SHISA6: variants seen among roughly 807,000 people sequenced by gnomAD.
SHISA6 encodes the protein protein shisa-6.
A neutral mutation model predicts 47.9 loss-of-function variants in SHISA6; 22 were observed. The ratio of observed to expected loss-of-function variants is 0.46; its 90% CI spans 0.33 to 0.66. SHISA6 has a LOEUF of 0.66. Among genes scored for constraint, SHISA6 ranks in the 30% least tolerant of loss-of-function variants. The probability of loss-of-function intolerance (pLI) is 0.02; values close to 1 mark genes in which losing one functional copy is unlikely to be tolerated. For synonymous variants in SHISA6, 388 were observed against 337.8 expected (o/e 1.15, Z -1.63); for missense variants, 680 against 764.6 (o/e 0.89, Z 1.30).
At chr17:11,546,919 A>G (rs2071888217) in intron 3 of SHISA6, among the ~76,000 whole-genome samples, 1 of 150,738 alleles carries the variant, frequency 6.6e-6, no homozygotes. Context: ...ATAGAGCAAG[A>G]CTCCATCTCA....
At chr17:11,283,437 T>C (rs1597438969) in intron 2 of SHISA6, among the ~76,000 whole-genome samples, 1 of 152,210 alleles carries the variant, frequency 6.6e-6, no homozygotes, top group Non-Finnish European at 1.5e-5. Flanking sequence ...TCTTTCTATT[T>C]CTCCATCCTG....
Position 11,497,549 on chromosome 17 carries a change from G to C in SHISA6, c.896-54347G>C. On this transcript the variant is annotated intron_variant, in intron 3 of 5. Transcript: ENST00000441885. ...CTCGACACTTTAGACGAATGTTCTTGAACACAGCAATGAGAAATGCCACTT... is the reference window on the plus strand; with the variant it reads ...CTCGACACTTTAGACGAATGTTCTTCAACACAGCAATGAGAAATGCCACTT... Among the ~76,000 whole-genome samples, 2 of 152,132 alleles carry C rather than the reference G, an allele frequency of 1.3e-5. 1 individual carries two copies. Among genetic ancestry groups the C allele is most frequent in the African/African-American group, 4.8e-5 (2 of 41,416 alleles).
At chr17:11,521,252 TTAAA>T (rs1324947439) in intron 3 of SHISA6, among the ~76,000 whole-genome samples, 1 of 152,230 alleles carries the variant, frequency 6.6e-6, no homozygotes, top group Non-Finnish European at 1.5e-5. Context: ...AAGACAATAA[TTAAA>T]TATATATTTT....
At chr17:11,343,659 A>G (rs2142214857) in intron 2 of SHISA6, among the ~76,000 whole-genome samples, 1 of 152,334 alleles carries the variant, frequency 6.6e-6, no homozygotes, top group Non-Finnish European at 1.5e-5. Flanking sequence ...ATGTGATGGA[A>G]TGGCGGAGCA....
At chr17:11,444,676 C>T (rs1017592636) in intron 3 of SHISA6, among the ~76,000 whole-genome samples, 25 of 152,328 alleles carry the variant, frequency 1.6e-4, no homozygotes, top group African/African-American at 5.3e-4. Flanking sequence ...AGCTCCTTCT[C>T]AAATAGGCCA....
chr17:11,304,233 G>T (rs1480180953), intron 2 of SHISA6, among the ~76,000 whole-genome samples: 2 of 152,224 alleles, frequency 1.3e-5, no homozygotes, highest in East Asian at 3.9e-4. Context: ...TCAGTGCCTG[G>T]AGTTGGACGA....
chr17:11,496,312 A>G (rs568770786), intron 3 of SHISA6, among the ~76,000 whole-genome samples: 5 of 152,292 alleles, frequency 3.3e-5, no homozygotes, highest in African/African-American at 1.2e-4. Flanking sequence ...TGAGACTTCA[A>G]AGCAAACTCT....
At chr17:11,524,130 T>C (rs1467549143) in intron 3 of SHISA6, among the ~76,000 whole-genome samples, 1 of 152,016 alleles carries the variant, frequency 6.6e-6, no homozygotes, top group East Asian at 1.9e-4. Context: ...ACACATACTT[T>C]TCAGCTTGAA....
intron 3 of SHISA6, among the ~76,000 whole-genome samples, chr17:11,525,655 A>AC (rs2071671564): frequency 8.4e-5 from 3 of 35,694 alleles, no homozygotes; most frequent in Non-Finnish European, 1.7e-4. Context: ...AAAAAAACAA[A>AC]AAAAAAAAAA....
rs192197592 is a variant in SHISA6 at position 11,455,019 on chromosome 17, A to C, written c.895+75510A>C. 1.6e-3 allele frequency among the ~76,000 whole-genome samples: 236 copies of C among 152,050 alleles called. 6 individuals are homozygous for C. The South Asian group carries it at 0.036, about 23-fold the overall frequency. ...CCTGTCTCTACTAAAAATACAAAAAAATAGCTGGGCGTGGTGGTGAGCACC... is the reference window on the plus strand; with the variant it reads ...CCTGTCTCTACTAAAAATACAAAAACATAGCTGGGCGTGGTGGTGAGCACC... On this transcript the variant is annotated intron_variant, in intron 3 of 5. Coordinates refer to ENST00000441885, the MANE Select transcript of SHISA6 (RefSeq NM_207386.4).
chr17:11,250,293 C>T (rs546967201), intron 1 of SHISA6, among the ~76,000 whole-genome samples: 46 of 152,254 alleles, frequency 3.0e-4, no homozygotes, highest in African/African-American at 1.1e-3. Flanking sequence ...CCAGGGCTGT[C>T]GCCTCTGTAC....
intron 3 of SHISA6, among the ~76,000 whole-genome samples, chr17:11,461,799 T>C (rs1915698945): frequency 6.6e-6 from 1 of 152,168 alleles, no homozygotes; most frequent in African/African-American, 2.4e-5. Context: ...AGCTGTGGGC[T>C]CTGGATTGGT....
intron 3 of SHISA6, among the ~76,000 whole-genome samples, chr17:11,546,690 C>T (rs999240403): frequency 4.6e-5 from 7 of 152,028 alleles, no homozygotes; most frequent in Admixed American, 1.3e-4. Flanking sequence ...GGAGGCCGGG[C>T]GGGTTGATCA....
intron 2 of SHISA6, among the ~76,000 whole-genome samples, chr17:11,275,327 A>T (rs1410001810): frequency 6.6e-6 from 1 of 152,048 alleles, no homozygotes; most frequent in Non-Finnish European, 1.5e-5. Context: ...TTGGGGGCCT[A>T]CAGTGAGAAA....
intron 3 of SHISA6, among the ~76,000 whole-genome samples, chr17:11,446,048 G>C (rs1031406401): frequency 1.3e-5 from 2 of 152,070 alleles, no homozygotes; most frequent in African/African-American, 4.8e-5. Context: ...GGCTGGTCTT[G>C]AACTCCTGAC....
intron 3 of SHISA6, among the ~76,000 whole-genome samples, chr17:11,538,710 C>A (rs925353083): frequency 6.6e-6 from 1 of 152,164 alleles, no homozygotes; most frequent in African/African-American, 2.4e-5. Context: ...TCTTTTTAAT[C>A]AGTTCCTCAT....
chr17:11,306,456 T>G (rs1023865390), intron 2 of SHISA6, among the ~76,000 whole-genome samples: 2 of 152,186 alleles, frequency 1.3e-5, no homozygotes, highest in African/African-American at 4.8e-5. Flanking sequence ...AGGAGGTTTC[T>G]GATTGAGACC....
At chr17:11,287,043 A>G (rs991881544) in intron 2 of SHISA6, among the ~76,000 whole-genome samples, 1 of 152,196 alleles carries the variant, frequency 6.6e-6, no homozygotes, top group Non-Finnish European at 1.5e-5. Flanking sequence ...TACTTTAACA[A>G]TTTTTATTAC....
chr17:11,553,861 T>C (rs1306649060), intron 4 of SHISA6, among the ~76,000 whole-genome samples: 2 of 152,160 alleles, frequency 1.3e-5, no homozygotes, highest in African/African-American at 2.4e-5. Context: ...AGAACAGATA[T>C]TGTCGTTGGC....
Sources: allele counts gnomAD v4.1 joint callset (sites outside exome capture counted in the v4.1 genomes callset), GRCh38; gene constraint gnomAD v4.1.1; transcripts MANE v1.5; gene names NCBI Gene and HGNC (gene_info 2026-07-23, HGNC 2026-07-21).